The following MCC variants were observed in gnomAD, a reference collection of about 807,000 sequenced individuals.
The protein encoded by MCC is colorectal mutant cancer protein.
Under a neutral mutation model 116.2 loss-of-function variants are expected in MCC, and 90 were observed. That is an observed-to-expected ratio of 0.77 (90% CI 0.65 to 0.92). MCC has a LOEUF of 0.92. MCC is among the 40% of genes least tolerant of loss of function. The probability of loss-of-function intolerance (pLI) is 0.00; values close to 1 mark genes in which losing one functional copy is unlikely to be tolerated. For missense variants in MCC, 1,516 were observed against 1,312.2 expected (o/e 1.16, Z -2.40); for synonymous variants, 578 against 510.5 (o/e 1.13, Z -1.78).
intron 1 of MCC, chr5:113,436,997 A>T (rs560919151): frequency 6.6e-6 from 1 of 152,088 alleles, no homozygotes; most frequent in South Asian, 2.1e-4. Flanking sequence ...ACCAAGTTGC[A>T]GCCCTATCCC....
chr5:113,339,436 T>C (rs370642446), intron 3 of MCC, among the ~76,000 whole-genome samples: 6 of 127,588 alleles, frequency 4.7e-5, no homozygotes, highest in African/African-American at 1.5e-4. Context: ...TGTGTGTGTG[T>C]GTGCGTGCAT....
At chr5:113,118,929 C>T (rs1029470074) in intron 6 of MCC, among the ~76,000 whole-genome samples, 3 of 152,288 alleles carry the variant, frequency 2.0e-5, no homozygotes, top group South Asian at 4.1e-4. Context: ...TCATGGGCTC[C>T]GACCCCACTC....
chr5:113,394,406 C>A (rs1769475250), intron 1 of MCC, among the ~76,000 whole-genome samples: 2 of 152,186 alleles, frequency 1.3e-5, no homozygotes, highest in African/African-American at 4.8e-5. Context: ...CCTTTATTTG[C>A]TCCCCACAAG....
At chr5:113,463,505 T>C (rs1242343150) in intron 1 of MCC, among the ~76,000 whole-genome samples, 1 of 152,178 alleles carries the variant, frequency 6.6e-6, no homozygotes, top group Non-Finnish European at 1.5e-5. Context: ...TGGGAGTTCA[T>C]GGAAAAGGAG....
intron 2 of MCC, among the ~76,000 whole-genome samples, chr5:113,354,188 T>C (rs1768351983): frequency 6.6e-6 from 1 of 152,188 alleles, no homozygotes. Flanking sequence ...CAGAGAGTAT[T>C]CTAGAGGGTC....
At chr5:113,124,412 T>A (rs1161271030) in intron 5 of MCC, among the ~76,000 whole-genome samples, 1 of 152,242 alleles carries the variant, frequency 6.6e-6, no homozygotes, top group Admixed American at 6.5e-5. Flanking sequence ...TAAATTACCT[T>A]TGTTGCATGG....
intron 3 of MCC, among the ~76,000 whole-genome samples, chr5:113,339,230 A>G (rs566321816): frequency 6.9e-6 from 1 of 145,232 alleles, no homozygotes; most frequent in East Asian, 1.9e-4. Context: ...CCATCTCAAA[A>G]AAAAAAACAA....
intron 2 of MCC, among the ~76,000 whole-genome samples, chr5:113,380,980 A>G (rs1769104705): frequency 6.6e-6 from 1 of 152,238 alleles, no homozygotes; most frequent in Admixed American, 6.5e-5. Context: ...TACAGAAGCC[A>G]CAGAATGTTT....
intron 17 of MCC, 90 bp from the exon 18 acceptor site, chr5:113,029,146 G>A: frequency 1.5e-6 from 2 of 1,358,854 alleles, no homozygotes; most frequent in Admixed American, 2.3e-5. Context: ...GAAAGAGGAA[G>A]GTTTAGCTTG....
chr5:113,210,910 C>T (rs1340001454), intron 3 of MCC, among the ~76,000 whole-genome samples: 3 of 152,174 alleles, frequency 2.0e-5, no homozygotes, highest in Non-Finnish European at 4.4e-5. Context: ...CATCATCATT[C>T]TAGAAACAGC....
intron 1 of MCC, among the ~76,000 whole-genome samples, chr5:113,476,350 C>T (rs1772234687): frequency 6.6e-6 from 1 of 152,160 alleles, no homozygotes; most frequent in South Asian, 2.1e-4. Flanking sequence ...GATAGGCACA[C>T]AGAGCAATGG....
intron 3 of MCC, among the ~76,000 whole-genome samples, chr5:113,250,020 G>A (rs947204699): frequency 6.6e-6 from 1 of 152,108 alleles, no homozygotes; most frequent in Non-Finnish European, 1.5e-5. Context: ...CACCAAATAA[G>A]AAGAAACATC....
chr5:113,180,012 C>T (rs76921809), intron 3 of MCC, among the ~76,000 whole-genome samples: 6,866 of 152,210 alleles, frequency 0.045, 211 homozygotes, highest in South Asian at 0.056. Flanking sequence ...TAAATATGCC[C>T]TAGAGATTTC....
At chr5:113,275,839 G>A (rs896561251) in intron 3 of MCC, among the ~76,000 whole-genome samples, 3 of 152,132 alleles carry the variant, frequency 2.0e-5, no homozygotes, top group African/African-American at 7.2e-5. Flanking sequence ...TTTTGGTGTA[G>A]CGGGAGGTCC....
chr5:113,030,893 CACTT>C (rs1442219715), intron 17 of MCC, among the ~76,000 whole-genome samples: 1 of 152,216 alleles, frequency 6.6e-6, no homozygotes, highest in African/African-American at 2.4e-5. Flanking sequence ...CTACTTCACT[CACTT>C]TTGCATTGCC....
At chr5:113,244,349 G>T (rs1764493388) in intron 3 of MCC, among the ~76,000 whole-genome samples, 1 of 152,136 alleles carries the variant, frequency 6.6e-6, no homozygotes, top group Non-Finnish European at 1.5e-5. Flanking sequence ...AGCCTACAGG[G>T]ACAAATATAT....
At chr5:113,065,149 T>C (rs1306737052) in intron 13 of MCC, among the ~76,000 whole-genome samples, 1 of 152,168 alleles carries the variant, frequency 6.6e-6, no homozygotes, top group East Asian at 1.9e-4. Context: ...CCCAAACCCA[T>C]AGAATGTACA....
intron 3 of MCC, among the ~76,000 whole-genome samples, chr5:113,257,620 C>A (rs17135511): frequency 0.029 from 4,393 of 152,056 alleles, 162 homozygotes; most frequent in African/African-American, 0.086. Context: ...TACAGAAAAC[C>A]CTTCAGAAAG....
intron 1 of MCC, among the ~76,000 whole-genome samples, chr5:113,454,409 T>G (rs1017427357): frequency 1.1e-4 from 17 of 152,168 alleles, no homozygotes; most frequent in Non-Finnish European, 2.1e-4. Flanking sequence ...CTGGCCTGTG[T>G]TTTTGTTTTC....
Sources: gnomAD v4.1 joint callset for allele counts (sites outside exome capture counted in the v4.1 genomes callset) on GRCh38, gnomAD v4.1.1 for gene constraint, MANE v1.5 for transcripts, NCBI Gene and HGNC (gene_info 2026-07-23, HGNC 2026-07-21) for gene names.